The following LONP1 variants were observed in gnomAD, a reference collection of about 807,000 sequenced individuals.
LONP1 encodes lon peptidase 1, mitochondrial.
Under a neutral mutation model 98.5 loss-of-function variants are expected in LONP1, and 31 were observed. The observed-to-expected ratio is 0.31, with a 90% CI of 0.24 to 0.42. LONP1 has a LOEUF of 0.42. LONP1 is among the 20% of genes least tolerant of loss of function. The pLI, the probability that LONP1 is intolerant of heterozygous loss-of-function variation, is 1.00. For missense variants in LONP1, 1,336 were observed against 1,350.6 expected (o/e 0.99, Z 0.17); for synonymous variants, 781 against 594.7 (o/e 1.31, Z -4.56).
intron 11 of LONP1, 39 bp downstream of exon 11, chr19:5,696,631 T>G (rs1385871089): frequency 1.3e-6 from 2 of 1,515,242 alleles, no homozygotes; most frequent in East Asian, 2.3e-5. Context: ...GCACACGGCA[T>G]TGCCGGGTTA....
At position 5,699,117 on chromosome 19, in the gene LONP1, A is replaced by T; in HGVS notation, c.1595T>A (p.Ile532Asn). Residue 532 changes from isoleucine to asparagine, a missense_variant, in exon 10 of 18, where the codon ATT becomes AAT. Ile to Asn is a moderately radical substitution (Grantham distance 149). This residue lies in a region of LONP1 where 219 missense variants were observed against 241.0 expected (regional missense o/e 0.91). Transcript: ENST00000360614. ...YGPPGVGKTSIARSIARALNR... is the reference protein window; with the variant it reads ...YGPPGVGKTSNARSIARALNR... ...CAGGGCGCGGGCGATGGAGCGAGCA[A>T]TGCTGGTCTTACCCACGCCAGGGGG... The T allele has an allele frequency of 3.8e-6, 6 of 1,593,090 alleles. No individual in the cohort carries two copies. Among genetic ancestry groups the T allele is most frequent in the Non-Finnish European group, 5.1e-6 (6 of 1,166,148 alleles).
intron 1 of LONP1, among the ~76,000 whole-genome samples, chr19:5,716,833 G>A (rs980782908): frequency 1.6e-4 from 24 of 152,222 alleles, no homozygotes; most frequent in African/African-American, 5.1e-4. Flanking sequence ...TTGCTCTGTC[G>A]CCCAGGCTAG....
intron 4 of LONP1, among the ~76,000 whole-genome samples, chr19:5,709,368 G>C (rs1384681368): frequency 6.6e-6 from 1 of 151,656 alleles, no homozygotes; most frequent in Non-Finnish European, 1.5e-5. Flanking sequence ...AGGTACTTTG[G>C]TGGGTGACTG....
In LONP1 at chr19:5,712,696, T is replaced by G. The variant is rs577111293; in HGVS notation, c.638+438A>C. 8.7e-4 allele frequency among the ~76,000 whole-genome samples: 132 copies of G among 152,268 alleles called. 1 individual carries two copies. Among genetic ancestry groups the G allele is most frequent in the African/African-American group, 3.1e-3 (130 of 41,552 alleles). On this transcript the variant is annotated intron_variant, in intron 3 of 17. Coordinates refer to ENST00000360614, the MANE Select transcript of LONP1 (RefSeq NM_004793.4). ...TTTTTATAGAAACAGGGTCTTGCTG[T>G]GTTGCCCAGGCTGGTCTCAAACTCC...
At chr19:5,699,609 G>A (rs1005980010) in intron 9 of LONP1, among the ~76,000 whole-genome samples, 7 of 146,850 alleles carry the variant, frequency 4.8e-5, no homozygotes, top group Non-Finnish European at 7.4e-5. Context: ...CCAGGCTAGA[G>A]TGTACTGGTG....
chr19:5,703,225 C>T (rs1208358643), intron 8 of LONP1, among the ~76,000 whole-genome samples: 1 of 151,434 alleles, frequency 6.6e-6, no homozygotes, highest in African/African-American at 2.4e-5. Context: ...CTGTCCAAAG[C>T]ACCCAGTGCA....
In LONP1 at chr19:5,699,184, G is replaced by C; in HGVS notation, c.1528C>G (p.Leu510Val). 2 of 1,510,470 alleles carry C rather than the reference G, an allele frequency of 1.3e-6. No individual in the cohort carries two copies. The highest frequency in any genetic ancestry group is 8.9e-7 in the Non-Finnish European group (1 of 1,122,476). 93.6% of individuals were successfully genotyped at this position (1,510,470 alleles called of 1,614,324 possible). Residue 510 changes from leucine to valine, a missense_variant, in exon 10 of 18, where the codon CTC (leucine) becomes GTC (valine). By Grantham distance (32) the Leu-to-Val change is conservative. Transcript: ENST00000360614. ...ATCTTGCCCTGGGTGGAGCCGCGGAGCTGGCTAACGGCAATGAACTCCTGC... is the reference window on the plus strand; with the variant it reads ...ATCTTGCCCTGGGTGGAGCCGCGGACCTGGCTAACGGCAATGAACTCCTGC... ...RILEFIAVSQLRGSTQGKILC... is the reference protein window; with the variant it reads ...RILEFIAVSQVRGSTQGKILC...
At chr19:5,695,965 A>G (rs1489147072) in intron 13 of LONP1, 89 bp downstream of exon 13, 6 of 1,180,496 alleles carry the variant, frequency 5.1e-6, no homozygotes, top group Non-Finnish European at 7.2e-6. Context: ...TCCCGGGCCC[A>G]GGAGCTCCCA....
intron 8 of LONP1, among the ~76,000 whole-genome samples, chr19:5,704,270 C>T (rs1033561527): frequency 1.3e-5 from 2 of 152,218 alleles, no homozygotes; most frequent in Admixed American, 6.5e-5. Context: ...GAGGGACGGG[C>T]CCGGCCCACA....
chr19:5,715,365 T>C lies in LONP1; in HGVS notation c.430-1094A>G, dbSNP rs184314015. ...TTTTTTTTTTAATAAAGTTTCAGGCTGGGCGCGGTGGCTCACGCCTGTAAT... is the reference window on the plus strand; with the variant it reads ...TTTTTTTTTTAATAAAGTTTCAGGCCGGGCGCGGTGGCTCACGCCTGTAAT... On this transcript the variant is annotated intron_variant, in intron 1 of 17. Coordinates refer to ENST00000360614, the MANE Select transcript of LONP1 (RefSeq NM_004793.4). 2.3e-3 allele frequency among the ~76,000 whole-genome samples: 346 copies of C among 149,736 alleles called. 2 individuals carry two copies. Among genetic ancestry groups the C allele is most frequent in the African/African-American group, 8.2e-3 (336 of 40,934 alleles).
At chr19:5,697,192 C>T (rs946787076) in intron 10 of LONP1, among the ~76,000 whole-genome samples, 3 of 152,012 alleles carry the variant, frequency 2.0e-5, no homozygotes, top group East Asian at 1.9e-4. Flanking sequence ...GCCCGGCCCG[C>T]GACAGGGACA....
chr19:5,719,854 T>C lies in LONP1; in HGVS notation c.279A>G (p.Gly93=). The C allele has an allele frequency of 6.2e-7, 1 of 1,604,056 alleles. No homozygotes were observed. Among genetic ancestry groups the C allele is most frequent in the Non-Finnish European group, 8.5e-7 (1 of 1,175,994 alleles). The change falls in exon 1 of 18, where the codon GGA becomes GGG. Residue 93 remains glycine (G), a synonymous_variant. Transcript: ENST00000360614. ...CCGCGCTGCCCCCCGCGCCGCCGGC[T>C]CCTTCCTCCGCGCCGCCCTCGGAGG... ...EDASEGGAEE[G]AGGAGGSAGA... is the part of the protein sequence containing the mutation.
Position 5,694,269 on chromosome 19 carries a change from C to T in LONP1, c.2320+118G>A, listed in dbSNP as rs556500655. The T allele has an allele frequency of 5.8e-5, 79 of 1,370,902 alleles. No individual in the cohort carries two copies. In the South Asian group the frequency reaches 8.1e-4, roughly 14 times the overall value. The allele number at this position is 1,370,902 out of a possible 1,614,324, so 84.9% of individuals were successfully genotyped here. A position where few individuals can be genotyped will look rare whatever the true frequency, so the allele number is the denominator to read the frequency against. On this transcript the variant is annotated intron_variant, in intron 15 of 17. Transcript: ENST00000360614. ...CCTGGGCTCCCAGCACACCACCCCC[C>T]GCCAGAGGCCGTTCAGAGCCACCTG...
At chr19:5,720,370 G>A, upstream of LONP1, 1 of 626,816 alleles carries the variant, frequency 1.6e-6, no homozygotes, top group South Asian at 2.4e-5. Context: ...AAGGCTGTGA[G>A]CAGGCGCCAG....
intron 11 of LONP1, 117 bp from the exon 12 acceptor site, chr19:5,696,488 G>C: frequency 7.0e-7 from 1 of 1,422,006 alleles, no homozygotes; most frequent in Non-Finnish European, 9.6e-7. Flanking sequence ...CCCACACCCT[G>C]CCTTGGACGG....
chr19:5,720,234 C>A (rs1272152581), upstream of LONP1: 1 of 1,369,764 alleles, frequency 7.3e-7, no homozygotes, highest in African/African-American at 1.5e-5. Flanking sequence ...GGGCGCGTGG[C>A]TCGAAACAGC....
Position 5,719,686 on chromosome 19 carries a change from G to A in LONP1, c.429+18C>T, listed in dbSNP as rs1359575168. 7 of 1,613,574 alleles carry A rather than the reference G, an allele frequency of 4.3e-6. No individual in the cohort carries two copies. Among genetic ancestry groups the A allele is most frequent in the African/African-American group, 1.3e-5 (1 of 74,960 alleles). On this transcript the variant is annotated intron_variant, in intron 1 of 17. Transcript: ENST00000360614. ...GCACAGGTGGGAAACCTGAGGCCGAGGCGGGGACTCCCATTACCTCGATAA... is the reference window on the plus strand; with the variant it reads ...GCACAGGTGGGAAACCTGAGGCCGAAGCGGGGACTCCCATTACCTCGATAA...
chr19:5,710,852 C>T (rs2055225558), intron 4 of LONP1, among the ~76,000 whole-genome samples: 1 of 152,040 alleles, frequency 6.6e-6, no homozygotes, highest in South Asian at 2.1e-4. Flanking sequence ...ATGGTAAAAC[C>T]TCGTCTCTAC....
At chr19:5,699,492 C>T (rs112438211) in intron 9 of LONP1, among the ~76,000 whole-genome samples, 2 of 151,992 alleles carry the variant, frequency 1.3e-5, no homozygotes, top group Non-Finnish European at 2.9e-5. Flanking sequence ...CCCTGAAGAC[C>T]GCAAATGCTC....
Sources: allele counts gnomAD v4.1 joint callset (sites outside exome capture counted in the v4.1 genomes callset), GRCh38; gene constraint gnomAD v4.1.1; regional missense constraint gnomAD v4.1.1; transcripts MANE v1.5; gene names NCBI Gene and HGNC (gene_info 2026-07-23, HGNC 2026-07-21).